The following UCHL5 variants were observed in gnomAD, a reference collection of about 807,000 sequenced individuals.
The protein encoded by UCHL5 is ubiquitin carboxyl-terminal hydrolase isozyme L5.
A neutral mutation model predicts 53.8 loss-of-function variants in UCHL5; 34 were observed. The observed-to-expected ratio is 0.63, with a 90% CI of 0.48 to 0.84. The LOEUF (loss-of-function observed/expected upper bound fraction) is 0.84, where lower values mean the gene tolerates loss of function less well. Among genes scored for constraint, UCHL5 ranks in the 40% least tolerant of loss-of-function variants. UCHL5 has a pLI of 0.00. For missense variants in UCHL5, 290 were observed against 385.6 expected, an observed-to-expected ratio of 0.75 and a Z score of 2.08; for synonymous variants, 111 against 126.3, an observed-to-expected ratio of 0.88 and a Z score of 0.81.
At position 193,022,977 on chromosome 1, in the gene UCHL5, G is replaced by T. The variant is rs1422209528; in HGVS notation, c.792C>A (p.Ala264=). The T allele has an allele frequency of 4.3e-6, 7 of 1,612,760 alleles. No individual in the cohort carries two copies. The East Asian group carries it at 1.1e-4, about 26-fold the overall frequency. The change falls in exon 9 of 11, where the codon GCC becomes GCA. Residue 264 remains alanine, a synonymous_variant. Coordinates refer to ENST00000367454, the MANE Select transcript of UCHL5 (RefSeq NM_001199261.3). The part of the protein sequence containing the change: ...SMLSAIQSEV[A]KNQMLIEEEV... ...CTTCTTCAATAAGCATCTGATTTTT[G>T]GCAACTTCTGACTGAATAGCACTTA... is the stretch of plus-strand genomic sequence containing the variant.
chr1:193,019,767 T>A (rs902063188), intron 10 of UCHL5: 2 of 694,812 alleles, frequency 2.9e-6, no homozygotes, highest in Non-Finnish European at 3.5e-6. Flanking sequence ...ACAACAGTGG[T>A]TCTTTTACTT....
chr1:193,020,506 C>T, intron 10 of UCHL5: 3 of 1,431,440 alleles, frequency 2.1e-6, no homozygotes, highest in Non-Finnish European at 2.8e-6. Flanking sequence ...CACTGATGTT[C>T]ACTTTCAGAA....
At chr1:193,017,372 G>T (rs1175968232) in intron 10 of UCHL5, among the ~76,000 whole-genome samples, 5 of 151,562 alleles carry the variant, frequency 3.3e-5, no homozygotes, top group Non-Finnish European at 7.4e-5. Context: ...TAATGTATTA[G>T]GTAGTATAAT....
chr1:193,053,865 C>T (rs770972758), intron 1 of UCHL5, among the ~76,000 whole-genome samples: 3 of 152,130 alleles, frequency 2.0e-5, no homozygotes, highest in Admixed American at 6.5e-5. Flanking sequence ...AATTAATAAA[C>T]TATTGTCACA....
Position 193,018,629 on chromosome 1 carries a change from T to C in UCHL5, c.943-2234A>G, listed in dbSNP as rs534028045. 3.1e-5 allele frequency: 39 copies of C among 1,254,554 alleles called. No individual in the cohort carries two copies. The South Asian group carries it at 1.2e-3, about 39-fold the overall frequency. The allele number at this position is 1,254,554 out of a possible 1,614,324, so 77.7% of individuals were successfully genotyped here. On this transcript the variant is annotated intron_variant, in intron 10 of 10. Transcript: ENST00000367454. Reference sequence around the variant, plus strand: ...CCGAGGGAGAATCACTTTTTATTTATTATTTTGCAAATAAAAAGATTTTAG... The same window carrying C: ...CCGAGGGAGAATCACTTTTTATTTACTATTTTGCAAATAAAAAGATTTTAG...
rs1571387334 is a variant in UCHL5 at position 193,015,211 on chromosome 1, T to G, written c.*1140A>C. 2 of 152,192 alleles carry G rather than the reference T, an allele frequency of 1.3e-5. No homozygotes were observed. Among genetic ancestry groups the G allele is most frequent in the East Asian group, 3.9e-4 (2 of 5,192 alleles). The allele number at this position is 152,192 out of a possible 1,614,324, so 9.4% of individuals were successfully genotyped here. On this transcript the variant is annotated 3_prime_UTR_variant, in exon 11 of 11. Transcript: ENST00000367454. ...ACAATCCTTAAAAATGTGCTGAAGC[T>G]GGAAGATGGGTACACATTCTCCCTA...
At chr1:193,016,745 ACATGAG>A (rs1485211986) in intron 10 of UCHL5, among the ~76,000 whole-genome samples, 1 of 151,848 alleles carries the variant, frequency 6.6e-6, no homozygotes, top group Non-Finnish European at 1.5e-5. Context: ...TTTCCTATTC[ACATGAG>A]CATAAGAAAA....
intron 1 of UCHL5, among the ~76,000 whole-genome samples, chr1:193,054,082 G>A (rs552147408): frequency 1.3e-5 from 2 of 150,544 alleles, no homozygotes; most frequent in South Asian, 2.1e-4. Flanking sequence ...ATGATCATAC[G>A]ATTTGTCATC....
chr1:193,041,451 T>C (rs191842044), intron 3 of UCHL5, among the ~76,000 whole-genome samples: 348 of 152,272 alleles, frequency 2.3e-3, no homozygotes, highest in African/African-American at 8.1e-3. Flanking sequence ...ACCAATTAGC[T>C]GACAAAAATT....
chr1:193,026,315 A>G (rs1460277127), intron 7 of UCHL5, among the ~76,000 whole-genome samples: 1 of 152,160 alleles, frequency 6.6e-6, no homozygotes, highest in East Asian at 1.9e-4. Context: ...CATCAGGATT[A>G]AGACCTTTTG....
rs201942496 is a variant in UCHL5, at chr1:193,036,351, G to GTACTA, written c.247-6699_247-6695dup. ...AAAAAAAAAAAAAAAAAGAACAGGA[G>GTACTA]TACTATCCTTATATCAGATAAAATA... On this transcript the variant is annotated intron_variant, in intron 3 of 10. Coordinates refer to ENST00000367454, the MANE Select transcript of UCHL5 (RefSeq NM_001199261.3). 2.9e-3 allele frequency among the ~76,000 whole-genome samples: 410 copies of GTACTA among 140,406 alleles called. 4 individuals are homozygous for GTACTA. Among genetic ancestry groups the GTACTA allele is most frequent in the Middle Eastern group, 4.1e-3 (1 of 246 alleles). The allele number at this position is 140,406 out of a possible 152,430, so 92.1% of individuals were successfully genotyped here.
chr1:193,023,029 A>G lies in UCHL5; in HGVS notation c.740T>C (p.Met247Thr). ...CATACTATTACCTTGATCTGTATCC[A>G]TGGGTTCCTCCTTGGGGGAAGGAAA... ...ELQRQLAEEP[M>T]DTDQGNSMLS... The change falls in exon 9 of 11, where the codon ATG becomes ACG. Residue 247 changes from methionine to threonine, a missense_variant. By Grantham distance (81) the Met-to-Thr change is moderately conservative. Transcript: ENST00000367454. 6.2e-7 allele frequency: 1 copy of G among 1,611,622 alleles called. No homozygotes were observed. Among genetic ancestry groups the G allele is most frequent in the Non-Finnish European group, 8.5e-7 (1 of 1,178,536 alleles).
rs974143123 is a variant in UCHL5, at chr1:193,015,589, T to A, written c.*762A>T. On this transcript the variant is annotated 3_prime_UTR_variant, in exon 11 of 11. Coordinates refer to ENST00000367454, the MANE Select transcript of UCHL5 (RefSeq NM_001199261.3). ...TGAACTGTCAGACCTCCAGTTTTTTTATACACAGCTTACAAGCTTGAAACA... is the reference window on the plus strand; with the variant it reads ...TGAACTGTCAGACCTCCAGTTTTTTAATACACAGCTTACAAGCTTGAAACA... 2.0e-5 allele frequency: 3 copies of A among 152,024 alleles called. No individual in the cohort carries two copies. Among genetic ancestry groups the A allele is most frequent in the Non-Finnish European group, 4.4e-5 (3 of 67,940 alleles). The allele number at this position is 152,024 out of a possible 1,614,324, so 9.4% of individuals were successfully genotyped here.
intron 6 of UCHL5, among the ~76,000 whole-genome samples, chr1:193,028,869 G>A (rs986577594): frequency 1.3e-5 from 2 of 152,070 alleles, no homozygotes; most frequent in African/African-American, 2.4e-5. Flanking sequence ...AAAATGACAA[G>A]AGTAACTATT....
At chr1:193,024,009 T>C in intron 7 of UCHL5, 63 bp from the exon 8 acceptor site, 1 of 1,172,028 alleles carries the variant, frequency 8.5e-7, no homozygotes, top group Non-Finnish European at 1.2e-6. Flanking sequence ...ACCGTTAAGA[T>C]AATCCATCGT....
intron 10 of UCHL5, among the ~76,000 whole-genome samples, chr1:193,019,404 A>G (rs1340514059): frequency 4.6e-5 from 7 of 151,714 alleles, no homozygotes; most frequent in Non-Finnish European, 1.0e-4. Flanking sequence ...GAATAATTTA[A>G]AACATTTCAA....
intron 3 of UCHL5, among the ~76,000 whole-genome samples, chr1:193,048,517 C>T (rs1457430100): frequency 3.3e-5 from 5 of 152,148 alleles, no homozygotes; most frequent in Non-Finnish European, 7.4e-5. Context: ...TAACAAAGTA[C>T]AAATTTTACA....
chr1:193,022,645 G>A (rs1388155762), intron 9 of UCHL5, among the ~76,000 whole-genome samples: 7 of 130,940 alleles, frequency 5.3e-5, no homozygotes, highest in African/African-American at 1.2e-4. Flanking sequence ...CAGCCTTGGC[G>A]ACAGAGCGAG....
At chr1:193,030,289 A>C (rs1660896003) in intron 3 of UCHL5, among the ~76,000 whole-genome samples, 1 of 152,180 alleles carries the variant, frequency 6.6e-6, no homozygotes, top group African/African-American at 2.4e-5. Flanking sequence ...TTTTCTAGGC[A>C]CTCTACATGC....
Sources: allele counts gnomAD v4.1 joint callset (sites outside exome capture counted in the v4.1 genomes callset), GRCh38; gene constraint gnomAD v4.1.1; transcripts MANE v1.5; gene names NCBI Gene and HGNC (gene_info 2026-07-23, HGNC 2026-07-21).